TMC4: variants seen among roughly 807,000 people sequenced by gnomAD.
TMC4 encodes the protein voltage-gated chloride channel TMC4.
TMC4 carries 70 observed loss-of-function variants against 82.0 expected under a neutral mutation model. That is an observed-to-expected ratio of 0.85 (90% CI 0.70 to 1.04). The LOEUF (loss-of-function observed/expected upper bound fraction) is 1.04, where lower values mean the gene tolerates loss of function less well. TMC4 is among the 50% of genes least tolerant of loss of function. The pLI, the probability that TMC4 is intolerant of heterozygous loss-of-function variation, is 0.00. For missense variants in TMC4, 879 were observed against 899.0 expected, an observed-to-expected ratio of 0.98 and a Z score of 0.28; for synonymous variants, 446 against 406.0, an observed-to-expected ratio of 1.10 and a Z score of -1.18.
At position 54,168,700 on chromosome 19, in the gene TMC4, G is replaced by T; in HGVS notation, c.443-20C>A. ...ACTGGCCTGCAGGGGGCAGCAGAGA[G>T]AGGCTCAGGTTCCTTCCCGGGAGCA... is the stretch of plus-strand genomic sequence containing the variant. On this transcript the variant is annotated intron_variant, in intron 3 of 14. Coordinates refer to ENST00000619895, the MANE Select transcript of TMC4 (RefSeq NM_144686.4). The T allele has an allele frequency of 6.8e-7, 1 of 1,468,512 alleles. No individual in the cohort carries two copies. The highest frequency in any genetic ancestry group is 9.1e-7 in the Non-Finnish European group (1 of 1,103,972). The allele number at this position is 1,468,512 out of a possible 1,614,324, so 91.0% of individuals were successfully genotyped here.
At position 54,163,864 on chromosome 19, in the gene TMC4, C is replaced by T. The variant is rs115964471; in HGVS notation, c.1137G>A (p.Leu379=). ...ELQEMPLVQE[L]PLLKLGVNYL... is the part of the protein sequence containing the mutation. ...AATTCACCCCAAGCTTCAGCAGTGG[C>T]AACTCCTGGACAAGGGGCATCTCCT... is the stretch of plus-strand genomic sequence containing the variant. Residue 379 remains leucine (L), a synonymous_variant, in exon 8 of 15, where the codon TTG becomes TTA. Transcript: ENST00000619895. 773 of 1,614,078 alleles carry T rather than the reference C, an allele frequency of 4.8e-4. 5 individuals carry two copies. In the East Asian group the frequency reaches 0.016, roughly 33 times the overall value.
chr19:54,165,527 G>C lies in TMC4; in HGVS notation c.837C>G (p.Ser279=), dbSNP rs773899643. Residue 279 remains serine, a synonymous_variant, in exon 6 of 15, where the codon TCC becomes TCG. Coordinates refer to ENST00000619895, the MANE Select transcript of TMC4 (RefSeq NM_144686.4). ...GGTGGCTGTAGCTGGTCAGAGCCTC[G>C]GACTCCGCCAGCAGTGTCTGCTTCA... ...SGLKQTLLAE[S]EALTSYSHRV... The C allele has an allele frequency of 1.2e-5, 20 of 1,611,470 alleles. No individual in the cohort carries two copies. The highest frequency in any genetic ancestry group is 1.7e-5 in the Non-Finnish European group (20 of 1,178,702).
chr19:54,169,019 T>TTTC (rs2075818140), intron 3 of TMC4, among the ~76,000 whole-genome samples: 1 of 23,850 alleles, frequency 4.2e-5, no homozygotes, highest in Non-Finnish European at 8.3e-5. Flanking sequence ...TATTTTTTTT[T>TTTC]TTTTCTTTTC....
chr19:54,170,129 C>G (rs2075849082), intron 2 of TMC4, among the ~76,000 whole-genome samples: 1 of 151,732 alleles, frequency 6.6e-6, no homozygotes, highest in Non-Finnish European at 1.5e-5. Context: ...AGAAAGAAAC[C>G]TAATGCTAGG....
At chr19:54,172,710 C>T in intron 1 of TMC4, 1 of 309,094 alleles carries the variant, frequency 3.2e-6, no homozygotes, top group South Asian at 7.5e-5. Flanking sequence ...TGGAACCCTC[C>T]TACTCCAGGG....
chr19:54,166,027 C>T (rs1478685986), intron 5 of TMC4, among the ~76,000 whole-genome samples: 2 of 152,112 alleles, frequency 1.3e-5, no homozygotes, highest in Non-Finnish European at 2.9e-5. Context: ...AAGGGAGCTG[C>T]GGCGGGAAGA....
chr19:54,172,801 C>G (rs905659220), intron 1 of TMC4: 2 of 484,198 alleles, frequency 4.1e-6, no homozygotes, highest in South Asian at 3.0e-5. Context: ...CCAAGACACC[C>G]AAACTCCCAG....
Position 54,161,235 on chromosome 19 carries a change from G to C in TMC4, c.1712C>G (p.Pro571Arg). 6.4e-7 allele frequency: 1 copy of C among 1,563,566 alleles called. No individual in the cohort carries two copies. Among genetic ancestry groups the C allele is most frequent in the South Asian group, 1.2e-5 (1 of 83,952 alleles). Residue 571 changes from proline to arginine, a missense_variant, in exon 12 of 15, where the codon CCG becomes CGG. Coordinates refer to ENST00000619895, the MANE Select transcript of TMC4 (RefSeq NM_144686.4). ...GGAGGCCCGGAAGGTGCGGGCAGCC[G>C]GGGAGCAGGTGGAGAAGAGGGTAAG... ...KKLTLFSTCS[P>R]AARTFRASAA...
intron 5 of TMC4, 80 bp from the exon 6 acceptor site, chr19:54,165,646 C>A (rs924587324): frequency 2.4e-5 from 36 of 1,486,996 alleles, no homozygotes; most frequent in Non-Finnish European, 3.2e-5. Flanking sequence ...CATATTGGGA[C>A]AAATGGGGAA....
At chr19:54,170,594 C>T (rs886454801) in intron 2 of TMC4, among the ~76,000 whole-genome samples, 12 of 143,320 alleles carry the variant, frequency 8.4e-5, no homozygotes, top group Non-Finnish European at 1.8e-4. Context: ...ACAGGCTACA[C>T]ACATCCTCCT....
At chr19:54,167,158 G>A (rs191848465) in intron 5 of TMC4, among the ~76,000 whole-genome samples, 229 of 152,198 alleles carry the variant, frequency 1.5e-3, no homozygotes, top group Middle Eastern at 6.8e-3. Context: ...AGCTGCTCCC[G>A]AGGCTGAGGT....
intron 5 of TMC4, 73 bp downstream of exon 5, chr19:54,168,098 G>T (rs1260053492): frequency 6.1e-6 from 9 of 1,486,866 alleles, no homozygotes; most frequent in Non-Finnish European, 8.1e-6. Flanking sequence ...TGGGGAGGGG[G>T]TTTCTGCCAC....
chr19:54,165,831 C>T (rs2075689319), intron 5 of TMC4, among the ~76,000 whole-genome samples: 1 of 152,060 alleles, frequency 6.6e-6, no homozygotes, highest in African/African-American at 2.4e-5. Flanking sequence ...GACAGAGCCT[C>T]GGAGCGAAGG....
chr19:54,169,507 C>G lies in TMC4; in HGVS notation c.442+5G>C, dbSNP rs753398492. On this transcript the variant is annotated splice_donor_5th_base_variant and intron_variant, in intron 3 of 14. Transcript: ENST00000619895. ...CCCCAGGACACCACCCAAACCCCAC[C>G]GCACCCCCGATCCTCTTCAGTGTCC... 1.2e-6 allele frequency: 2 copies of G among 1,610,990 alleles called. No homozygotes were observed. Among genetic ancestry groups the G allele is most frequent in the Non-Finnish European group, 1.7e-6 (2 of 1,179,192 alleles).
chr19:54,169,767 A>G (rs2075839632), intron 2 of TMC4, 107 bp from the exon 3 acceptor site: 4 of 1,450,222 alleles, frequency 2.8e-6, no homozygotes, highest in East Asian at 2.4e-5. Context: ...ATTGTGGCCT[A>G]TACATAAGAT....
Position 54,162,269 on chromosome 19 carries a change from A to G in TMC4, c.1519T>C (p.Cys507Arg). The G allele has an allele frequency of 6.3e-7, 1 of 1,580,128 alleles. No homozygotes were observed. Among genetic ancestry groups the G allele is most frequent in the Non-Finnish European group, 8.6e-7 (1 of 1,164,946 alleles). The change falls in exon 11 of 15, where the codon TGT (cysteine) becomes CGT (arginine). Residue 507 changes from cysteine to arginine, a missense_variant. By Grantham distance (180) the Cys-to-Arg change is radical. Transcript: ENST00000619895. ...QFPRKLLCGL[C>R]PGALGRLAGT... is the part of the protein sequence containing the mutation. ...GCCAGACGACCCAGCGCCCCAGGAC[A>G]GAGGCCACAGAGGAGCCTGAAGGAC...
chr19:54,169,642 C>A lies in TMC4; in HGVS notation c.312G>T (p.Arg104Ser). ...RRAHRQRNAS[R>S]DQVVYGSGTK... The stretch of plus-strand genomic sequence containing the variant: ...TTCCAGAGCCATAGACCACCTGGTC[C>A]CTGCTGGCATTTCTTTGCCTGGGAG... Residue 104 changes from arginine to serine, a missense_variant, in exon 3 of 15, where the codon AGG (arginine) becomes AGT (serine). Arg to Ser is a moderately radical substitution (Grantham distance 110, BLOSUM62 -1). Coordinates refer to ENST00000619895, the MANE Select transcript of TMC4 (RefSeq NM_144686.4). 1 of 1,613,724 alleles carries A rather than the reference C, an allele frequency of 6.2e-7. No homozygotes were observed. The highest frequency in any genetic ancestry group is 8.5e-7 in the Non-Finnish European group (1 of 1,179,932).
rs180970131 is a variant in TMC4 at position 54,172,730 on chromosome 19, C to T, written c.79+309G>A. The T allele has an allele frequency of 2.6e-5, 9 of 344,240 alleles. No individual in the cohort carries two copies. The East Asian group carries it at 4.0e-4, about 15-fold the overall frequency. The allele number at this position is 344,240 out of a possible 1,614,324, so 21.3% of individuals were successfully genotyped here. On this transcript the variant is annotated intron_variant, in intron 1 of 14. Transcript: ENST00000619895. Reference sequence around the variant, plus strand: ...CCCTCCTACTCCAGGGCAGTGGAGTCCAGGCTTTAACTTCCTTTTCCCTCT... The same window carrying T: ...CCCTCCTACTCCAGGGCAGTGGAGTTCAGGCTTTAACTTCCTTTTCCCTCT...
rs2075541652 is a variant in TMC4 at position 54,161,205 on chromosome 19, GC to G, written c.1741del (p.Ala581ArgfsTer26). 6.3e-7 allele frequency: 1 copy of G among 1,591,514 alleles called. No homozygotes were observed. Among genetic ancestry groups the G allele is most frequent in the Admixed American group, 1.8e-5 (1 of 54,986 alleles). ...AAGGACCAAGGGGAAAAAGAAATTC[GC>G]CGCGGAGGCCCGGAAGGTGCGGGCA... ...PAARTFRASA[A>X]NFFFPLVLLL... On this transcript the variant is annotated frameshift_variant, in exon 12 of 15. Transcript: ENST00000619895. LOFTEE classifies it high-confidence loss of function.
Sources: allele counts gnomAD v4.1 joint callset (sites outside exome capture counted in the v4.1 genomes callset), GRCh38; gene constraint gnomAD v4.1.1; transcripts MANE v1.5; gene names NCBI Gene and HGNC (gene_info 2026-07-23, HGNC 2026-07-21).